Variants in ABCC5 observed in about 807,000 individuals in gnomAD.
The protein encoded by ABCC5 is ATP-binding cassette sub-family C member 5.
In ABCC5, 61 loss-of-function variants were observed where a neutral mutation model predicts 160.9. The ratio of observed to expected loss-of-function variants is 0.38; its 90% CI spans 0.31 to 0.47. ABCC5 has a LOEUF of 0.47. Among genes scored for constraint, ABCC5 ranks in the 20% least tolerant of loss-of-function variants. The pLI is 0.99. For synonymous variants in ABCC5, 666 were observed against 700.6 expected, an observed-to-expected ratio of 0.95 and a Z score of 0.78; for missense variants, 1,308 against 1,813.3, an observed-to-expected ratio of 0.72 and a Z score of 5.06.
chr3:183,967,798 T>C (rs1330468472), intron 11 of ABCC5, 32 bp from the exon 12 acceptor site: 1 of 1,528,586 alleles, frequency 6.5e-7, no homozygotes, highest in African/African-American at 1.4e-5. Flanking sequence ...GAGGGTCATT[T>C]AGAGACTACT....
At chr3:183,961,178 A>T (rs1338923032) in intron 16 of ABCC5, among the ~76,000 whole-genome samples, 1 of 152,232 alleles carries the variant, frequency 6.6e-6, no homozygotes, top group Non-Finnish European at 1.5e-5. Context: ...ATAATGCTTC[A>T]ATCAGGTGGA....
chr3:184,002,166 G>A (rs758611774), intron 2 of ABCC5, among the ~76,000 whole-genome samples: 1 of 152,146 alleles, frequency 6.6e-6, no homozygotes, highest in East Asian at 1.9e-4. Flanking sequence ...GGGAGGCCAA[G>A]GTGGGAGGAT....
At position 183,978,545 on chromosome 3, in the gene ABCC5, G is replaced by C; in HGVS notation, c.1254C>G (p.Phe418Leu). 1 of 1,614,142 alleles carries C rather than the reference G, an allele frequency of 6.2e-7. No homozygotes were observed. The highest frequency in any genetic ancestry group is 8.5e-7 in the Non-Finnish European group (1 of 1,180,024). ...CGAAGCCCAGGGTCATATGAACAGAGAAGGTCACCACGCTGGCAATCACCA... is the reference window on the plus strand; with the variant it reads ...CGAAGCCCAGGGTCATATGAACAGACAAGGTCACCACGCTGGCAATCACCA... Reference protein sequence around the residue: ...IVVVIASVVTFSVHMTLGFDL... With the variant: ...IVVVIASVVTLSVHMTLGFDL... Residue 418 changes from phenylalanine (F) to leucine (L), a missense_variant, in exon 9 of 30, where the codon TTC (phenylalanine) becomes TTG (leucine). Phe to Leu is a conservative substitution (Grantham distance 22). Coordinates refer to ENST00000334444, the MANE Select transcript of ABCC5 (RefSeq NM_005688.4).
At chr3:183,953,380 A>G in intron 17 of ABCC5, 110 bp from the exon 18 acceptor site, 4 of 901,156 alleles carry the variant, frequency 4.4e-6, no homozygotes, top group Non-Finnish European at 6.4e-6. Flanking sequence ...ACAGGGGTCT[A>G]GATTAGATTT....
At chr3:184,006,678 T>C (rs1358082728) in intron 2 of ABCC5, among the ~76,000 whole-genome samples, 1 of 152,224 alleles carries the variant, frequency 6.6e-6, no homozygotes, top group African/African-American at 2.4e-5. Flanking sequence ...GAGCCCATAT[T>C]TCTTTCCTAA....
intron 2 of ABCC5, among the ~76,000 whole-genome samples, chr3:183,994,564 C>T (rs908320751): frequency 5.3e-5 from 8 of 152,106 alleles, no homozygotes; most frequent in South Asian, 2.1e-4. Context: ...TTAGTAGAGA[C>T]GGGGTTTCAC....
intron 26 of ABCC5, among the ~76,000 whole-genome samples, chr3:183,931,827 G>C (rs1713210369): frequency 1.3e-5 from 2 of 152,230 alleles, no homozygotes; most frequent in Non-Finnish European, 1.5e-5. Flanking sequence ...AGAGAAGCCA[G>C]ATGGTCCTGG....
At chr3:183,961,152 T>C (rs1577537173) in intron 16 of ABCC5, among the ~76,000 whole-genome samples, 1 of 152,158 alleles carries the variant, frequency 6.6e-6, no homozygotes. Context: ...CACTTGTTTA[T>C]TTAAAAAAGA....
At chr3:183,932,134 G>C (rs1713239423) in intron 26 of ABCC5, among the ~76,000 whole-genome samples, 2 of 152,200 alleles carry the variant, frequency 1.3e-5, no homozygotes, top group South Asian at 4.1e-4. Flanking sequence ...AAACCATGCT[G>C]CCCTGTCATC....
In ABCC5 at chr3:183,970,245, T is replaced by C. The variant is rs977025066; in HGVS notation, c.1761+1318A>G. Among the ~76,000 whole-genome samples, 4 of 152,156 alleles carry C rather than the reference T, an allele frequency of 2.6e-5. 1 individual carries two copies. In the East Asian group the frequency reaches 7.7e-4, roughly 29 times the overall value. On this transcript the variant is annotated intron_variant, in intron 11 of 29. Transcript: ENST00000334444. ...CTCCAATAACAGACACACTCACCACTTGCGGCCTCTGTGTTTCTGTTCCTT... is the reference window on the plus strand; with the variant it reads ...CTCCAATAACAGACACACTCACCACCTGCGGCCTCTGTGTTTCTGTTCCTT...
intron 24 of ABCC5, among the ~76,000 whole-genome samples, chr3:183,943,151 A>AG (rs1714526892): frequency 6.6e-6 from 1 of 152,200 alleles, no homozygotes; most frequent in African/African-American, 2.4e-5. Context: ...TGGGGAGGGA[A>AG]GTGGTGTTCA....
chr3:183,982,862 G>C lies in ABCC5; in HGVS notation c.737C>G (p.Thr246Ser), dbSNP rs1718868572. The C allele has an allele frequency of 2.5e-6, 4 of 1,614,214 alleles. No individual in the cohort carries two copies. The highest frequency in any genetic ancestry group is 3.4e-6 in the Non-Finnish European group (4 of 1,180,048). ...LALTWALNYR[T>S]GVRLRGAILT... ...GATGGCCCCCCGCAAGCGGACACCG[G>C]TTCGGTAATTCAATGCCCAAGTCAG... Residue 246 changes from threonine to serine, a missense_variant, in exon 6 of 30, where the codon ACC (threonine) becomes AGC (serine). By Grantham distance (58) the Thr-to-Ser change is moderately conservative (BLOSUM62 1). Coordinates refer to ENST00000334444, the MANE Select transcript of ABCC5 (RefSeq NM_005688.4). The surrounding 1 kb of genome is among the most constrained non-coding windows in gnomAD (Gnocchi z 5.2).
At chr3:183,939,706 T>C (rs558722778) in intron 25 of ABCC5, among the ~76,000 whole-genome samples, 42 of 152,200 alleles carry the variant, frequency 2.8e-4, no homozygotes, top group Non-Finnish European at 4.9e-4. Flanking sequence ...ATTTAAAAGG[T>C]GCTCTCTCTA....
chr3:183,964,108 C>A (rs1182884449), intron 14 of ABCC5, among the ~76,000 whole-genome samples: 1 of 152,198 alleles, frequency 6.6e-6, no homozygotes, highest in Non-Finnish European at 1.5e-5. Flanking sequence ...ATGACAATGT[C>A]ATGTGCTTGC....
At chr3:183,936,549 C>T (rs116526892) in intron 26 of ABCC5, among the ~76,000 whole-genome samples, 96 of 151,958 alleles carry the variant, frequency 6.3e-4, no homozygotes, top group Middle Eastern at 3.4e-3. Flanking sequence ...ACTCTGTCAC[C>T]CTGGCTACAG....
At position 183,955,897 on chromosome 3, in the gene ABCC5, T is replaced by C. The variant is rs1344260735; in HGVS notation, c.2483-2627A>G. ...ATTACATCTGTTATATGCAGATCCATGTGTATATCACATCAGTTATATGCA... is the reference window on the plus strand; with the variant it reads ...ATTACATCTGTTATATGCAGATCCACGTGTATATCACATCAGTTATATGCA... On this transcript the variant is annotated intron_variant, in intron 17 of 29. Coordinates refer to ENST00000334444, the MANE Select transcript of ABCC5 (RefSeq NM_005688.4). Among the ~76,000 whole-genome samples the C allele has an allele frequency of 1.4e-5, 2 of 142,896 alleles. 1 individual carries two copies. Among genetic ancestry groups the C allele is most frequent in the Non-Finnish European group, 3.1e-5 (2 of 65,216 alleles). The allele number at this position is 142,896 out of a possible 152,430, so 93.7% of individuals were successfully genotyped here.
rs1375572735 is a variant in ABCC5 at position 183,988,783 on chromosome 3, C to T, written c.288-56G>A. ...ATCAACACGCACGGAGAGGGCAGCC[C>T]GTGTTTAATGGACACTGTTTAGTGA... On this transcript the variant is annotated intron_variant, in intron 3 of 29. Transcript: ENST00000334444. This position sits in a 1 kb window ranked among gnomAD's most constrained non-coding sequence, Gnocchi z 4.4. 6.7e-5 allele frequency: 104 copies of T among 1,561,302 alleles called. No individual in the cohort carries two copies. Among genetic ancestry groups the T allele is most frequent in the African/African-American group, 8.2e-5 (6 of 73,516 alleles).
chr3:184,005,918 A>AC (rs950648177), intron 2 of ABCC5, among the ~76,000 whole-genome samples: 1 of 151,762 alleles, frequency 6.6e-6, no homozygotes, highest in African/African-American at 2.4e-5. Context: ...TAAAAAAAAA[A>AC]AAAACAGGAA....
At chr3:184,011,194 G>C (rs919341862) in intron 2 of ABCC5, 2 of 152,096 alleles carry the variant, frequency 1.3e-5, no homozygotes, top group Non-Finnish European at 2.9e-5. Flanking sequence ...ACAGAACCCT[G>C]GCCTCTCTGA....
Sources: allele counts gnomAD v4.1 joint callset (sites outside exome capture counted in the v4.1 genomes callset), GRCh38; gene constraint gnomAD v4.1.1; non-coding constraint Gnocchi (gnomAD v3.1); transcripts MANE v1.5; gene names NCBI Gene and HGNC (gene_info 2026-07-23, HGNC 2026-07-21).